PACRG: variants seen among roughly 807,000 people sequenced by gnomAD.
PACRG encodes parkin coregulated gene protein.
PACRG carries 29 observed loss-of-function variants against 29.7 expected under a neutral mutation model. That is an observed-to-expected ratio of 0.98 (90% CI 0.73 to 1.33). The LOEUF is 1.33. Ranked by LOEUF, PACRG falls within the 40% of genes most tolerant of loss-of-function variation. The pLI is 0.00. For missense variants in PACRG, 279 were observed against 316.2 expected, an observed-to-expected ratio of 0.88 and a Z score of 0.89; for synonymous variants, 116 against 118.7, an observed-to-expected ratio of 0.98 and a Z score of 0.15.
At chr6:163,200,933 A>T (rs1205513295) in intron 4 of PACRG, among the ~76,000 whole-genome samples, 1 of 151,916 alleles carries the variant, frequency 6.6e-6, no homozygotes, top group Admixed American at 6.6e-5. Context: ...ACTGGGCCGG[A>T]TCAGGCCCCA....
At chr6:163,130,501 A>G (rs574870759) in intron 4 of PACRG, among the ~76,000 whole-genome samples, 1 of 152,316 alleles carries the variant, frequency 6.6e-6, no homozygotes, top group Admixed American at 6.5e-5. Flanking sequence ...AACTTCAGGT[A>G]CATGAACAAG....
chr6:163,027,351 T>C (rs771483400), intron 2 of PACRG, among the ~76,000 whole-genome samples: 13 of 152,298 alleles, frequency 8.5e-5, no homozygotes, highest in African/African-American at 1.4e-4. Flanking sequence ...ATTGCGTTCA[T>C]TACACTGAAA....
intron 4 of PACRG, among the ~76,000 whole-genome samples, chr6:163,138,683 CA>C (rs1817035090): frequency 6.6e-6 from 1 of 152,200 alleles, no homozygotes; most frequent in African/African-American, 2.4e-5. Flanking sequence ...TCCTGCTATG[CA>C]GCCTGGTTCC....
chr6:163,105,083 C>T (rs1815308462), intron 4 of PACRG, among the ~76,000 whole-genome samples: 1 of 151,948 alleles, frequency 6.6e-6, no homozygotes, highest in Admixed American at 6.6e-5. Context: ...CCTACTTTTA[C>T]TAGAAATTTA....
intron 4 of PACRG, among the ~76,000 whole-genome samples, chr6:163,218,922 C>T (rs1340611730): frequency 2.6e-5 from 4 of 152,244 alleles, no homozygotes; most frequent in Non-Finnish European, 4.4e-5. Flanking sequence ...GCATTCGTGT[C>T]TGGAAGCCTT....
intron 1 of PACRG, among the ~76,000 whole-genome samples, chr6:162,753,071 A>G (rs192642238): frequency 3.7e-4 from 56 of 152,302 alleles, no homozygotes; most frequent in Non-Finnish European, 6.9e-4. Flanking sequence ...AGCTAATTAC[A>G]TATTCATCAT....
intron 2 of PACRG, among the ~76,000 whole-genome samples, chr6:162,821,373 C>G (rs1787827035): frequency 6.6e-6 from 1 of 152,172 alleles, no homozygotes; most frequent in Non-Finnish European, 1.5e-5. Context: ...TGCTCTGTGA[C>G]AGTGATTTGT....
chr6:163,058,345 G>A (rs994094742), intron 2 of PACRG, among the ~76,000 whole-genome samples: 17 of 152,078 alleles, frequency 1.1e-4, no homozygotes, highest in Admixed American at 2.0e-4. Flanking sequence ...AGAATCAGTC[G>A]AACAAAAGCC....
At chr6:162,823,954 T>A (rs1416313420) in intron 2 of PACRG, among the ~76,000 whole-genome samples, 3 of 152,190 alleles carry the variant, frequency 2.0e-5, no homozygotes, top group Non-Finnish European at 4.4e-5. Flanking sequence ...CACCTGGTCT[T>A]ATTCTGTTGG....
At position 162,927,766 on chromosome 6, in the gene PACRG, A is replaced by G. The variant is rs139278177; in HGVS notation, c.291+113485A>G. ...GTTTACCCATGTAACAAACCTGCAC[A>G]TTCTGCACATGTATCCTAGAACTTA... On this transcript the variant is annotated intron_variant, in intron 2 of 4. Transcript: ENST00000366888. Among the ~76,000 whole-genome samples, 333 of 152,212 alleles carry G rather than the reference A, an allele frequency of 2.2e-3. 2 individuals carry two copies. The highest frequency in any genetic ancestry group is 7.5e-3 in the African/African-American group (313 of 41,558).
intron 1 of PACRG, among the ~76,000 whole-genome samples, chr6:162,812,624 AT>A (rs886274885): frequency 1.8e-4 from 27 of 150,954 alleles, no homozygotes; most frequent in African/African-American, 6.3e-4. Flanking sequence ...TTTCCAAAAA[AT>A]GTGATTCAAG....
chr6:162,746,045 C>T (rs1780963291), intron 1 of PACRG, among the ~76,000 whole-genome samples: 1 of 151,848 alleles, frequency 6.6e-6, no homozygotes, highest in African/African-American at 2.4e-5. Context: ...GAAAGTAATA[C>T]TATAAAAAAA....
At chr6:163,270,122 C>CAAT (rs140363486) in intron 4 of PACRG, among the ~76,000 whole-genome samples, 9,997 of 151,896 alleles carry the variant, frequency 0.066, 998 homozygotes, top group African/African-American at 0.21. Flanking sequence ...GTGGCCCCAA[C>CAAT]AATAGCATAG....
chr6:162,928,254 T>G (rs1324234720), intron 2 of PACRG, among the ~76,000 whole-genome samples: 1 of 152,042 alleles, frequency 6.6e-6, no homozygotes, highest in East Asian at 1.9e-4. Context: ...AGGTTATATG[T>G]GCCGAGAAAT....
intron 2 of PACRG, among the ~76,000 whole-genome samples, chr6:162,914,502 T>C (rs901647078): frequency 2.4e-5 from 2 of 82,260 alleles, no homozygotes; most frequent in African/African-American, 9.1e-5. Flanking sequence ...AGTTTTGTAC[T>C]TTTTTGTTTT....
At chr6:162,782,029 T>C (rs1784129651) in intron 1 of PACRG, among the ~76,000 whole-genome samples, 1 of 151,756 alleles carries the variant, frequency 6.6e-6, no homozygotes, top group East Asian at 1.9e-4. Context: ...GAAACCCACA[T>C]CAACTATAAA....
At chr6:162,732,689 T>C (rs1779863650) in intron 1 of PACRG, among the ~76,000 whole-genome samples, 1 of 152,164 alleles carries the variant, frequency 6.6e-6, no homozygotes, top group African/African-American at 2.4e-5. Context: ...AACTAATGGG[T>C]GCCCTCATCA....
intron 2 of PACRG, among the ~76,000 whole-genome samples, chr6:162,820,189 A>C (rs1208615486): frequency 1.3e-5 from 2 of 152,242 alleles, no homozygotes; most frequent in East Asian, 3.8e-4. Context: ...TAAATTAATT[A>C]GATGCATAAA....
intron 2 of PACRG, among the ~76,000 whole-genome samples, chr6:162,985,891 T>C (rs1245090963): frequency 6.6e-6 from 1 of 152,030 alleles, no homozygotes; most frequent in Non-Finnish European, 1.5e-5. Context: ...CACAAGTCAG[T>C]AGCTCTGCTA....
Sources: gnomAD v4.1 joint callset for allele counts (sites outside exome capture counted in the v4.1 genomes callset) on GRCh38, gnomAD v4.1.1 for gene constraint, MANE v1.5 for transcripts, NCBI Gene and HGNC (gene_info 2026-07-23, HGNC 2026-07-21) for gene names.